The following RTL4 variants were observed in gnomAD, a reference collection of about 807,000 sequenced individuals.
The protein encoded by RTL4 is retrotransposon Gag-like protein 4.
In RTL4, 4 loss-of-function variants were observed where a neutral mutation model predicts 5.3. The ratio of observed to expected loss-of-function variants is 0.75; its 90% CI spans 0.37 to 1.72. The LOEUF is 1.72. Ranked by LOEUF, RTL4 falls within the 40% of genes most tolerant of loss-of-function variation. The pLI, the probability that RTL4 is intolerant of heterozygous loss-of-function variation, is 0.04. For missense variants in RTL4, 260 were observed against 227.1 expected (o/e 1.14, Z -0.93); for synonymous variants, 98 against 87.3 (o/e 1.12, Z -0.68).
At chrX:112,181,472 T>C in the RTL4 span, among the ~76,000 whole-genome samples, 128 of 111,272 alleles carry the variant, frequency 1.2e-3, 1 homozygote, top group East Asian at 0.028. Context: ...GAAGTCAACC[T>C]GGGATGATCA....
At chrX:112,211,071 A>G in the RTL4 span, among the ~76,000 whole-genome samples, 1 of 112,290 alleles carries the variant, frequency 8.9e-6, no homozygotes, top group Non-Finnish European at 1.9e-5. Flanking sequence ...AGAAAATGAC[A>G]CCACATGGAA....
the RTL4 span, among the ~76,000 whole-genome samples, chrX:112,305,734 A>T: frequency 8.9e-6 from 1 of 112,075 alleles, no homozygotes; most frequent in Middle Eastern, 4.6e-3. Context: ...AAGAAACACT[A>T]TTGTGATTCG....
chrX:112,153,876 C>T, the RTL4 span, among the ~76,000 whole-genome samples: 1 of 111,184 alleles, frequency 9.0e-6, no homozygotes, highest in East Asian at 2.8e-4. Context: ...TAAGATTTCT[C>T]ATCAAATTAC....
chrX:112,215,117 T>A, the RTL4 span, among the ~76,000 whole-genome samples: 11 of 111,570 alleles, frequency 9.9e-5, no homozygotes, highest in Admixed American at 5.7e-4. Flanking sequence ...ATTATTTATT[T>A]ATTTATTTTT....
the RTL4 span, among the ~76,000 whole-genome samples, chrX:112,434,951 A>G: frequency 2.6e-4 from 29 of 110,977 alleles, no homozygotes; most frequent in Middle Eastern, 4.6e-3. Flanking sequence ...GTCAGGTGGG[A>G]GGCAAAGGAG....
chrX:112,246,541 T>C, the RTL4 span, among the ~76,000 whole-genome samples: 2 of 111,927 alleles, frequency 1.8e-5, no homozygotes, highest in African/African-American at 6.5e-5. Context: ...TGGGATATAA[T>C]CTCCTGGTGT....
the RTL4 span, among the ~76,000 whole-genome samples, chrX:112,398,116 A>G: frequency 9.0e-6 from 1 of 110,968 alleles, no homozygotes; most frequent in Non-Finnish European, 1.9e-5. Context: ...GTTAGCTTCA[A>G]GTTTTTTGTA....
At chrX:112,120,568 C>T in the RTL4 span, among the ~76,000 whole-genome samples, 19 of 105,323 alleles carry the variant, frequency 1.8e-4, no homozygotes, top group Admixed American at 1.0e-3. Flanking sequence ...TGAGCCACCA[C>T]GCCCGGCTGG....
chrX:112,308,662 G>A, the RTL4 span, among the ~76,000 whole-genome samples: 21 of 111,596 alleles, frequency 1.9e-4, no homozygotes, highest in African/African-American at 6.8e-4. Context: ...TTTGGTACAT[G>A]GCCTGCTGTT....
At chrX:112,143,136 A>G in the RTL4 span, among the ~76,000 whole-genome samples, 2 of 111,463 alleles carry the variant, frequency 1.8e-5, no homozygotes, top group African/African-American at 6.5e-5. Flanking sequence ...GCCTGGAGAA[A>G]GTTTTAGATA....
chrX:112,257,171 G>C, the RTL4 span, among the ~76,000 whole-genome samples: 1 of 111,251 alleles, frequency 9.0e-6, no homozygotes, highest in Middle Eastern at 4.8e-3. Flanking sequence ...CTGTTTTCTA[G>C]TTTTTTTCCT....
the RTL4 span, among the ~76,000 whole-genome samples, chrX:112,346,602 A>AT: frequency 2.7e-5 from 3 of 111,148 alleles, no homozygotes; most frequent in African/African-American, 9.8e-5. Context: ...TGAAATACAG[A>AT]TTGGTGCCTT....
the RTL4 span, among the ~76,000 whole-genome samples, chrX:112,433,139 G>A: frequency 4.5e-5 from 5 of 111,560 alleles, no homozygotes; most frequent in South Asian, 1.9e-3. Flanking sequence ...CTGTTGCCTT[G>A]TAGTATAGTT....
chrX:112,435,460 A>G, the RTL4 span, among the ~76,000 whole-genome samples: 2 of 112,431 alleles, frequency 1.8e-5, no homozygotes, highest in African/African-American at 6.5e-5. Context: ...CTAAAAAATA[A>G]CATTACTGTC....
chrX:112,418,164 A>G, the RTL4 span, among the ~76,000 whole-genome samples: 16,285 of 110,986 alleles, frequency 0.15, 1,058 homozygotes, highest in East Asian at 0.26. Flanking sequence ...ACAAATAAAC[A>G]AATAAAATAA....
chrX:112,109,975 T>C, the RTL4 span, among the ~76,000 whole-genome samples: 1 of 111,794 alleles, frequency 8.9e-6, no homozygotes, highest in South Asian at 3.7e-4. Context: ...CATCTGTAGC[T>C]TACTGGCCTT....
chrX:112,288,651 T>C, the RTL4 span, among the ~76,000 whole-genome samples: 1 of 112,058 alleles, frequency 8.9e-6, no homozygotes, highest in Admixed American at 9.5e-5. Context: ...TGGCAGAAGT[T>C]TATTTCTCCT....
the RTL4 span, among the ~76,000 whole-genome samples, chrX:112,180,972 G>C: frequency 8.9e-6 from 1 of 111,770 alleles, no homozygotes; most frequent in Non-Finnish European, 1.9e-5. Flanking sequence ...ATTTCCAACT[G>C]AGGTACCCGG....
chrX:112,187,107 G>A, the RTL4 span, among the ~76,000 whole-genome samples: 943 of 111,907 alleles, frequency 8.4e-3, 4 homozygotes, highest in South Asian at 0.015. Flanking sequence ...CAGTAACTAC[G>A]CCCTCCATTT....
Sources: allele counts gnomAD v4.1 joint callset (sites outside exome capture counted in the v4.1 genomes callset), GRCh38; gene constraint gnomAD v4.1.1; transcripts MANE v1.5; gene names NCBI Gene and HGNC (gene_info 2026-07-23, HGNC 2026-07-21).